Variants in KLHL29 observed in about 807,000 individuals in gnomAD.
KLHL29 encodes kelch like family member 29, also known as kelch-like protein 29.
In KLHL29, 21 loss-of-function variants were observed where a neutral mutation model predicts 80.4. The observed-to-expected ratio is 0.26, with a 90% CI of 0.19 to 0.38. KLHL29 has a LOEUF of 0.38. Ranked by LOEUF, KLHL29 falls within the 10% of genes least tolerant of loss-of-function variation. KLHL29 has a pLI of 1.00. For missense variants in KLHL29, 867 were observed against 1,223.9 expected (o/e 0.71, Z 4.35); for synonymous variants, 511 against 526.8 (o/e 0.97, Z 0.41).
chr2:23,624,149 T>A (rs527266320), intron 3 of KLHL29, among the ~76,000 whole-genome samples: 1 of 152,260 alleles, frequency 6.6e-6, no homozygotes, highest in Admixed American at 6.5e-5. Context: ...GAGCTGTGCA[T>A]GGCTGGAAGT....
chr2:23,699,876 C>T (rs1672257484), intron 11 of KLHL29, among the ~76,000 whole-genome samples: 1 of 152,224 alleles, frequency 6.6e-6, no homozygotes, highest in African/African-American at 2.4e-5. Flanking sequence ...CCTGTCTTGA[C>T]CTCTCTCTTC....
At chr2:23,703,156 A>C in intron 11 of KLHL29, 30 bp from the exon 12 acceptor site, 2 of 1,395,868 alleles carry the variant, frequency 1.4e-6, no homozygotes, top group Non-Finnish European at 1.9e-6. Context: ...GTCCATCTTG[A>C]CCCTGGGCTC....
rs1184831935 is a variant in KLHL29 at position 23,693,420 on chromosome 2, C to T, written c.1434C>T (p.Asp478=). Reference sequence around the variant, plus strand: ...AGGAGATCCTCAGCATCTCCAAGGACGACTTCATCGCCTACGTCTCCAACG... The same window carrying T: ...AGGAGATCCTCAGCATCTCCAAGGATGACTTCATCGCCTACGTCTCCAACG... ...AQEEILSISK[D]DFIAYVSNDS... is the part of the protein sequence containing the mutation. The change falls in exon 8 of 14, where the codon GAC becomes GAT. Residue 478 remains aspartate, a synonymous_variant. Transcript: ENST00000486442. The T allele has an allele frequency of 2.8e-5, 43 of 1,551,612 alleles. No homozygotes were observed. The highest frequency in any genetic ancestry group is 1.7e-4 in the Middle Eastern group (1 of 6,014).
chr2:23,451,802 C>A (rs978889770), intron 1 of KLHL29, among the ~76,000 whole-genome samples: 11 of 152,164 alleles, frequency 7.2e-5, no homozygotes, highest in Non-Finnish European at 1.2e-4. Context: ...CTAGTCCATT[C>A]TTTAGTTGCT....
intron 3 of KLHL29, among the ~76,000 whole-genome samples, chr2:23,629,132 C>A (rs1260765362): frequency 6.6e-6 from 1 of 152,168 alleles, no homozygotes; most frequent in Non-Finnish European, 1.5e-5. Flanking sequence ...GTTGGGGGAG[C>A]GGTGCGGACT....
At chr2:23,484,609 A>G (rs1261698305) in intron 2 of KLHL29, among the ~76,000 whole-genome samples, 1 of 152,202 alleles carries the variant, frequency 6.6e-6, no homozygotes, top group Non-Finnish European at 1.5e-5. Flanking sequence ...CCCGCCAGCC[A>G]GAGAGCCACA....
At chr2:23,427,331 C>G (rs549003210) in intron 1 of KLHL29, among the ~76,000 whole-genome samples, 4 of 152,328 alleles carry the variant, frequency 2.6e-5, no homozygotes, top group African/African-American at 9.6e-5. Context: ...AAAAATCACT[C>G]TTTTACTGAA....
chr2:23,438,743 G>A (rs1159539139), intron 1 of KLHL29, among the ~76,000 whole-genome samples: 3 of 151,928 alleles, frequency 2.0e-5, no homozygotes, highest in African/African-American at 4.8e-5. Context: ...TTGCATCAAT[G>A]TTCATCAAGG....
intron 1 of KLHL29, among the ~76,000 whole-genome samples, chr2:23,459,517 T>A (rs1265877263): frequency 6.6e-6 from 1 of 152,094 alleles, no homozygotes; most frequent in African/African-American, 2.4e-5. Context: ...CAGGGGTGAT[T>A]CGGCAAAATG....
In KLHL29 at chr2:23,503,398, C is replaced by T. The variant is rs1014289354; in HGVS notation, c.-46+27731C>T. Among the ~76,000 whole-genome samples, 1 of 152,220 alleles carries T rather than the reference C, an allele frequency of 6.6e-6. No individual in the cohort carries two copies. The highest frequency in any genetic ancestry group is 2.4e-5 in the African/African-American group (1 of 41,452). On this transcript the variant is annotated intron_variant, in intron 2 of 13. Coordinates refer to ENST00000486442, the MANE Select transcript of KLHL29 (RefSeq NM_052920.2). This position sits in a 1 kb window ranked among gnomAD's most constrained non-coding sequence, Gnocchi z 4.0. ...ATGGCTCTATAATTCTCTTTGTTATCTTTGGCCACTTACATGTTTGCCATG... is the reference window on the plus strand; with the variant it reads ...ATGGCTCTATAATTCTCTTTGTTATTTTTGGCCACTTACATGTTTGCCATG...
intron 1 of KLHL29, among the ~76,000 whole-genome samples, chr2:23,434,353 T>G (rs1284389773): frequency 7.9e-6 from 1 of 126,396 alleles, no homozygotes; most frequent in Non-Finnish European, 1.6e-5. Context: ...AAAGCTAGGC[T>G]CCGTGAGTCA....
intron 2 of KLHL29, among the ~76,000 whole-genome samples, chr2:23,550,517 G>C (rs373746103): frequency 6.6e-6 from 1 of 152,160 alleles, no homozygotes; most frequent in Non-Finnish European, 1.5e-5. Context: ...CCCGGCCCTC[G>C]GAGCAATTCC....
intron 3 of KLHL29, among the ~76,000 whole-genome samples, chr2:23,594,270 G>C (rs1668341325): frequency 6.6e-6 from 1 of 152,134 alleles, no homozygotes; most frequent in African/African-American, 2.4e-5. Context: ...GTAAAGCCGG[G>C]CACTCAGAGG....
At chr2:23,452,403 T>C (rs1360048159) in intron 1 of KLHL29, among the ~76,000 whole-genome samples, 1 of 152,140 alleles carries the variant, frequency 6.6e-6, no homozygotes, top group African/African-American at 2.4e-5. Context: ...CAAGGGATCC[T>C]CCAGGGTCCA....
Position 23,642,818 on chromosome 2 carries a change from A to G in KLHL29, c.908A>G (p.Lys303Arg). Reference protein sequence around the residue: ...LQMLRTIGVGKYEFTDPGHPR... With the variant: ...LQMLRTIGVGRYEFTDPGHPR... ...ATGCTGCGGACCATTGGCGTGGGGA[A>G]GTATGAGTTCACCGACCCGGGGCAC... The change falls in exon 5 of 14, where the codon AAG (lysine) becomes AGG (arginine). Residue 303 changes from lysine to arginine, a missense_variant. Lys to Arg is a conservative substitution (Grantham distance 26). Coordinates refer to ENST00000486442, the MANE Select transcript of KLHL29 (RefSeq NM_052920.2). 1 of 1,550,408 alleles carries G rather than the reference A, an allele frequency of 6.4e-7. No homozygotes were observed. The highest frequency in any genetic ancestry group is 8.7e-7 in the Non-Finnish European group (1 of 1,146,870).
chr2:23,543,652 A>G (rs1004570377), intron 2 of KLHL29, among the ~76,000 whole-genome samples: 3 of 152,254 alleles, frequency 2.0e-5, no homozygotes, highest in South Asian at 2.1e-4. Flanking sequence ...GATAGTGCCT[A>G]GGAGCCTGCT....
intron 2 of KLHL29, among the ~76,000 whole-genome samples, chr2:23,546,469 T>A (rs1666982082): frequency 6.6e-6 from 1 of 152,074 alleles, no homozygotes; most frequent in South Asian, 2.1e-4. Flanking sequence ...CCTGTTGTTT[T>A]GGGGCCTCAG....
chr2:23,529,464 G>T (rs942376672), intron 2 of KLHL29, among the ~76,000 whole-genome samples: 2 of 152,206 alleles, frequency 1.3e-5, no homozygotes, highest in Admixed American at 6.5e-5. Context: ...CACTATGCAT[G>T]CTGCAGTATG....
At chr2:23,544,750 C>T (rs1388888020) in intron 2 of KLHL29, among the ~76,000 whole-genome samples, 3 of 152,052 alleles carry the variant, frequency 2.0e-5, no homozygotes, top group East Asian at 1.9e-4. Flanking sequence ...AGGATGGGCC[C>T]GGCACAGGGA....
Sources: gnomAD v4.1 joint callset for allele counts (sites outside exome capture counted in the v4.1 genomes callset) on GRCh38, gnomAD v4.1.1 for gene constraint, Gnocchi (gnomAD v3.1) non-coding constraint, MANE v1.5 for transcripts, NCBI Gene and HGNC (gene_info 2026-07-23, HGNC 2026-07-21) for gene names.